Variants in KIAA0319 observed in about 807,000 individuals in gnomAD.
KIAA0319 encodes KIAA0319.
KIAA0319 carries 83 observed loss-of-function variants against 108.4 expected under a neutral mutation model. That is an observed-to-expected ratio of 0.77 (90% confidence interval 0.64 to 0.92). The LOEUF is 0.92. Among genes scored for constraint, KIAA0319 ranks in the 40% least tolerant of loss-of-function variants. KIAA0319 has a pLI of 0.00. For synonymous variants in KIAA0319, 484 were observed against 510.4 expected (o/e 0.95, Z 0.70); for missense variants, 1,195 against 1,322.4 (o/e 0.90, Z 1.49).
intron 20 of KIAA0319, among the ~76,000 whole-genome samples, chr6:24,549,364 T>C (rs1358783550): frequency 6.7e-6 from 1 of 149,824 alleles, no homozygotes; most frequent in Non-Finnish European, 1.5e-5. Context: ...AGAGGCTGCC[T>C]TGCCCTTTGC....
chr6:24,590,314 A>G (rs1312802169), intron 3 of KIAA0319, among the ~76,000 whole-genome samples: 1 of 152,040 alleles, frequency 6.6e-6, no homozygotes, highest in Non-Finnish European at 1.5e-5. Flanking sequence ...AAAAAAAACA[A>G]GACGAAATAA....
intron 4 of KIAA0319, among the ~76,000 whole-genome samples, chr6:24,585,297 G>A (rs1034814983): frequency 1.3e-5 from 2 of 150,608 alleles, no homozygotes; most frequent in South Asian, 2.1e-4. Context: ...AGGCAAACCC[G>A]CATCTCATTT....
At chr6:24,597,946 A>AAAAAAAAC (rs1769972375) in intron 2 of KIAA0319, 1 of 151,056 alleles carries the variant, frequency 6.6e-6, no homozygotes, top group Non-Finnish European at 1.4e-5. Context: ...AAAAAAAAAA[A>AAAAAAAAC]AAAACCACCT....
chr6:24,599,020 T>C lies in KIAA0319; in HGVS notation c.55+2029A>G. On this transcript the variant is annotated intron_variant, in intron 2 of 20. Coordinates refer to ENST00000378214, the MANE Select transcript of KIAA0319 (RefSeq NM_014809.4). This position sits in a 1 kb window ranked among gnomAD's most constrained non-coding sequence, Gnocchi z 4.1. The stretch of plus-strand genomic sequence containing the variant: ...GAAGGGCTGAATAACGAGATCAACT[T>C]CCTCAGGCAGCTGTATGAAGAGGAG... The C allele has an allele frequency of 1.4e-6, 1 of 718,138 alleles. No individual in the cohort carries two copies. The highest frequency in any genetic ancestry group is 2.6e-5 in the East Asian group (1 of 38,620). 44.5% of individuals were successfully genotyped at this position (718,138 alleles called of 1,614,324 possible).
Position 24,544,309 on chromosome 6 carries a change from C to T in KIAA0319, c.*2856G>A, listed in dbSNP as rs1760363301. On this transcript the variant is annotated 3_prime_UTR_variant, in exon 21 of 21. Transcript: ENST00000378214. ...CCTCTACCCTGAAGCATAAAGAAAA[C>T]AAATTTCCCCCTAAAAATAAGCATT... 1 of 152,162 alleles carries T rather than the reference C, an allele frequency of 6.6e-6. No homozygotes were observed. Among genetic ancestry groups the T allele is most frequent in the Non-Finnish European group, 1.5e-5 (1 of 68,012 alleles). 9.4% of individuals were successfully genotyped at this position (152,162 alleles called of 1,614,324 possible).
chr6:24,615,182 A>G (rs1176034360), intron 1 of KIAA0319, among the ~76,000 whole-genome samples: 1 of 152,188 alleles, frequency 6.6e-6, no homozygotes, highest in Non-Finnish European at 1.5e-5. Flanking sequence ...CTGAAGTTAC[A>G]AATGTACATT....
chr6:24,629,527 A>AAAAAAAAAAAAAAG, intron 1 of KIAA0319, among the ~76,000 whole-genome samples: 1 of 148,530 alleles, frequency 6.7e-6, no homozygotes, highest in African/African-American at 2.5e-5. Flanking sequence ...AAAAAAAAAA[A>AAAAAAAAAAAAAAG]AAAAGAAAGA....
At chr6:24,554,237 CT>C (rs2127422020) in intron 19 of KIAA0319, among the ~76,000 whole-genome samples, 1 of 152,312 alleles carries the variant, frequency 6.6e-6, no homozygotes, top group South Asian at 2.1e-4. Flanking sequence ...TCACAGAAGT[CT>C]TCTGTATTGA....
At position 24,596,054 on chromosome 6, in the gene KIAA0319, G is replaced by A. The variant is rs141114963; in HGVS notation, c.620C>T (p.Ala207Val). ...GAGCTCAGGGTCCTGCTGCGTCTCC[G>A]CTGGCACCGCAGGACTGTCTCCAAC... Reference protein sequence around the residue: ...SSVGDSPAVPAETQQDPELHY... With the variant: ...SSVGDSPAVPVETQQDPELHY... Residue 207 changes from alanine (A) to valine (V), a missense_variant, in exon 3 of 21, where the codon GCG (alanine) becomes GTG (valine). Coordinates refer to ENST00000378214, the MANE Select transcript of KIAA0319 (RefSeq NM_014809.4). The A allele has an allele frequency of 1.9e-5, 31 of 1,613,818 alleles. No individual in the cohort carries two copies. Among genetic ancestry groups the A allele is most frequent in the African/African-American group, 1.2e-4 (9 of 74,894 alleles).
intron 2 of KIAA0319, chr6:24,600,751 T>C (rs1291910734): frequency 4.1e-6 from 5 of 1,206,142 alleles, no homozygotes; most frequent in Non-Finnish European, 5.8e-6. Context: ...AAAGGAAGTC[T>C]GGCCTTTCCA....
rs933387656 is a variant in KIAA0319 at position 24,546,935 on chromosome 6, C to T, written c.*230G>A. The T allele has an allele frequency of 1.3e-5, 6 of 478,940 alleles. No homozygotes were observed. In the East Asian group the frequency reaches 1.4e-4, roughly 11 times the overall value. 29.7% of individuals were successfully genotyped at this position (478,940 alleles called of 1,614,324 possible). On this transcript the variant is annotated 3_prime_UTR_variant, in exon 21 of 21. Coordinates refer to ENST00000378214, the MANE Select transcript of KIAA0319 (RefSeq NM_014809.4). Reference sequence around the variant, plus strand: ...AACTCAAAACTCTTTTAAGTATATACCTTAGAGTTTTACCCAGCCTTTATT... The same window carrying T: ...AACTCAAAACTCTTTTAAGTATATATCTTAGAGTTTTACCCAGCCTTTATT...
chr6:24,628,837 T>G (rs1307666045), intron 1 of KIAA0319, among the ~76,000 whole-genome samples: 1 of 152,096 alleles, frequency 6.6e-6, no homozygotes, highest in Non-Finnish European at 1.5e-5. Flanking sequence ...CTTGTGTGCC[T>G]CTGGGTCAAA....
At position 24,580,984 on chromosome 6, in the gene KIAA0319, G is replaced by T; in HGVS notation, c.1221C>A (p.Val407=). 2 of 1,612,146 alleles carry T rather than the reference G, an allele frequency of 1.2e-6. No individual in the cohort carries two copies. Among genetic ancestry groups the T allele is most frequent in the South Asian group, 2.2e-5 (2 of 91,030 alleles). The part of the protein sequence containing the change: ...QLSVGLYVFK[V]TVSSENAFGE... ...CAAAGGCGTTTTCACTAGAAACAGT[G>T]ACTTTGAAGACATAAAGTCCGACGG... Residue 407 remains valine, a synonymous_variant, in exon 7 of 21, where the codon GTC becomes GTA. Coordinates refer to ENST00000378214, the MANE Select transcript of KIAA0319 (RefSeq NM_014809.4).
At chr6:24,610,753 G>GT (rs935015124) in intron 1 of KIAA0319, among the ~76,000 whole-genome samples, 1 of 151,666 alleles carries the variant, frequency 6.6e-6, no homozygotes, top group African/African-American at 2.4e-5. Flanking sequence ...TGAGCCTATG[G>GT]TTTTTTTGAG....
Position 24,646,147 on chromosome 6 carries a change from C to A in KIAA0319, c.-517G>T, listed in dbSNP as rs1040289804. On this transcript the variant is annotated 5_prime_UTR_variant, in exon 1 of 21. Coordinates refer to ENST00000378214, the MANE Select transcript of KIAA0319 (RefSeq NM_014809.4). ...CCCCGGGGGATCCCCGCCCACCGCC[C>A]GCGGCAGCTTCTGCAGGCTCGGGGA... 6 of 152,262 alleles carry A rather than the reference C, an allele frequency of 3.9e-5. No homozygotes were observed. The highest frequency in any genetic ancestry group is 1.2e-4 in the African/African-American group (5 of 41,446). 9.4% of individuals were successfully genotyped at this position (152,262 alleles called of 1,614,324 possible).
intron 17 of KIAA0319, among the ~76,000 whole-genome samples, chr6:24,558,445 A>G (rs1200859375): frequency 6.6e-6 from 1 of 152,258 alleles, no homozygotes; most frequent in African/African-American, 2.4e-5. Flanking sequence ...AAACATTATC[A>G]TTTCCCTTGT....
At chr6:24,573,564 C>G (rs1276813475) in intron 10 of KIAA0319, among the ~76,000 whole-genome samples, 1 of 152,088 alleles carries the variant, frequency 6.6e-6, no homozygotes, top group Non-Finnish European at 1.5e-5. Context: ...GAAATCCACA[C>G]AAAAAAGAAA....
rs752768781 is a variant in KIAA0319, at chr6:24,578,259, T to C, written c.1373-17A>G. ...CTGTACTTTCTACAAGATTAAGAAATAAAGACAAGAATGAAATACAAGAAG... is the reference window on the plus strand; with the variant it reads ...CTGTACTTTCTACAAGATTAAGAAACAAAGACAAGAATGAAATACAAGAAG... On this transcript the variant is annotated splice_polypyrimidine_tract_variant and intron_variant, in intron 8 of 20. Transcript: ENST00000378214. 1.3e-6 allele frequency: 2 copies of C among 1,545,934 alleles called. No homozygotes were observed. The highest frequency in any genetic ancestry group is 1.4e-5 in the African/African-American group (1 of 73,122).
chr6:24,601,576 G>A (rs12210684), intron 1 of KIAA0319, among the ~76,000 whole-genome samples: 4,789 of 152,332 alleles, frequency 0.031, 122 homozygotes, highest in Middle Eastern at 0.085. Context: ...AGCAGAAAAA[G>A]AGAAAGCCTC....
Sources: allele counts gnomAD v4.1 joint callset (sites outside exome capture counted in the v4.1 genomes callset), GRCh38; gene constraint gnomAD v4.1.1; non-coding constraint Gnocchi (gnomAD v3.1); transcripts MANE v1.5; gene names NCBI Gene and HGNC (gene_info 2026-07-23, HGNC 2026-07-21).